Variants in VPS13C observed in about 807,000 individuals in gnomAD.
VPS13C encodes the protein intermembrane lipid transfer protein VPS13C.
VPS13C carries 358 observed loss-of-function variants against 456.8 expected under a neutral mutation model. The observed-to-expected ratio is 0.78, with a 90% CI of 0.72 to 0.86. The LOEUF (loss-of-function observed/expected upper bound fraction) is 0.86. VPS13C is among the 40% of genes least tolerant of loss of function. The probability of loss-of-function intolerance (pLI) is 0.00; values close to 1 mark genes in which losing one functional copy is unlikely to be tolerated. For missense variants in VPS13C, 4,818 were observed against 4,385.4 expected, an observed-to-expected ratio of 1.10 and a Z score of -2.79; for synonymous variants, 1,578 against 1,486.7, an observed-to-expected ratio of 1.06 and a Z score of -1.41.
intron 64 of VPS13C, 74 bp from the exon 65 acceptor site, chr15:61,909,199 C>T (rs890434270): frequency 5.8e-6 from 9 of 1,557,170 alleles, no homozygotes; most frequent in African/African-American, 5.5e-5. Context: ...TTCAATATTA[C>T]GTAAAACACA....
Position 61,881,664 on chromosome 15 carries a change from T to A in VPS13C, c.9707-32A>T, listed in dbSNP as rs766455793. The A allele has an allele frequency of 6.9e-6, 11 of 1,604,122 alleles. No individual in the cohort carries two copies. The East Asian group carries it at 1.1e-4, about 16-fold the overall frequency. On this transcript the variant is annotated intron_variant, in intron 70 of 84. Transcript: ENST00000644861. ...GGAAGAAGTAACACATAAAAAAAAA[T>A]AATGCTTTATACTAGGTTAAACTAA...
chr15:62,041,260 T>C (rs2048232398), intron 3 of VPS13C, 64 bp downstream of exon 3: 2 of 1,538,620 alleles, frequency 1.3e-6, no homozygotes, highest in South Asian at 1.2e-5. Context: ...TTAGGTTAAA[T>C]AACACAAGCA....
rs1294587330 is a variant in VPS13C, at chr15:61,961,615, C to T, written c.3882G>A (p.Val1294=). The T allele has an allele frequency of 1.9e-6, 3 of 1,606,830 alleles. No homozygotes were observed. In the Admixed American group the frequency reaches 5.1e-5, roughly 27 times the overall value. ...LNPPVIDRMD[V]QLTKLTLYRT... is the part of the protein sequence containing the mutation. ...TATAAAGTGTAAGCTTTGTTAGCTG[C>T]ACATCCATTCTATCAATTACTGGAG... The change falls in exon 35 of 85, where the codon GTG becomes GTA. Residue 1294 remains valine (V), a synonymous_variant. Transcript: ENST00000644861.
chr15:61,899,806 C>G (rs1403949861), intron 66 of VPS13C, among the ~76,000 whole-genome samples: 1 of 151,848 alleles, frequency 6.6e-6, no homozygotes, highest in Non-Finnish European at 1.5e-5. Context: ...AGAGACACAA[C>G]CAAAAAAGAG....
intron 69 of VPS13C, among the ~76,000 whole-genome samples, chr15:61,882,209 G>A (rs2140045344): frequency 6.6e-6 from 1 of 152,204 alleles, no homozygotes; most frequent in East Asian, 1.9e-4. Flanking sequence ...GTACTTAACA[G>A]CTAAAAGGAA....
chr15:62,031,066 A>G (rs12591593), intron 5 of VPS13C, among the ~76,000 whole-genome samples: 66,907 of 151,948 alleles, frequency 0.44, 16,065 homozygotes, highest in Admixed American at 0.57. Context: ...CAATGAAATA[A>G]AAGGAGAAAA....
rs1249477262 is a variant in VPS13C at position 61,921,982 on chromosome 15, C to T, written c.7027G>A (p.Val2343Met). The T allele has an allele frequency of 6.2e-7, 1 of 1,613,650 alleles. No homozygotes were observed. The highest frequency in any genetic ancestry group is 8.5e-7 in the Non-Finnish European group (1 of 1,179,662). The part of the protein sequence containing the change: ...HAVWEPLIER[V>M]EGKRQWNLRL... ...AAATTCCATTGTCTCTTCCCCTCCA[C>T]TCTCTCAATCAGTGGCTCCCAGACA... Residue 2343 changes from valine to methionine, a missense_variant, in exon 55 of 85, where the codon GTG (valine) becomes ATG (methionine). By Grantham distance (21) the Val-to-Met change is conservative (BLOSUM62 1). Transcript: ENST00000644861.
Position 61,945,742 on chromosome 15 carries a change from A to G in VPS13C, c.5121T>C (p.Tyr1707=). Reference sequence around the variant, plus strand: ...AAAGAGACATGAAGAATTTATGAACATAAACAATCTGAATACAACCCACTT... The same window carrying G: ...AAAGAGACATGAAGAATTTATGAACGTAAACAATCTGAATACAACCCACTT... The part of the protein sequence containing the change: ...SFKVGCIQIV[Y]VHKFFMSLLN... The change falls in exon 45 of 85, where the codon TAT becomes TAC. Residue 1707 remains tyrosine, a synonymous_variant. Transcript: ENST00000644861. 6.3e-7 allele frequency: 1 copy of G among 1,598,858 alleles called. No homozygotes were observed. Among genetic ancestry groups the G allele is most frequent in the Non-Finnish European group, 8.5e-7 (1 of 1,175,496 alleles).
intron 66 of VPS13C, among the ~76,000 whole-genome samples, chr15:61,891,745 T>A (rs978608248): frequency 1.3e-5 from 2 of 152,212 alleles, no homozygotes; most frequent in Non-Finnish European, 2.9e-5. Context: ...TTGCTTTGAA[T>A]TGGTCAGAAA....
In VPS13C at chr15:61,853,155, C is replaced by A. The variant is rs181586295; in HGVS notation, c.*1302G>T. ...TGAATTGATTCTCACAGGGCCTGCT[C>A]CCTCACAGAACACAGTGTCATTATA... On this transcript the variant is annotated 3_prime_UTR_variant, in exon 85 of 85. Transcript: ENST00000644861. 6.6e-6 allele frequency: 1 copy of A among 152,158 alleles called. No homozygotes were observed. Among genetic ancestry groups the A allele is most frequent in the Admixed American group, 6.5e-5 (1 of 15,290 alleles). 9.4% of individuals were successfully genotyped at this position (152,158 alleles called of 1,614,324 possible).
At chr15:61,959,418 A>G (rs1410896433) in intron 36 of VPS13C, 30 bp downstream of exon 36, 4 of 1,528,380 alleles carry the variant, frequency 2.6e-6, no homozygotes, top group Admixed American at 1.9e-5. Flanking sequence ...AATTTCAACA[A>G]TGAAGTTTTT....
chr15:61,932,013 A>T (rs1184484186), intron 49 of VPS13C, among the ~76,000 whole-genome samples: 1 of 152,114 alleles, frequency 6.6e-6, no homozygotes, highest in African/African-American at 2.4e-5. Context: ...AACAAAATAG[A>T]AATACACTAA....
In VPS13C at chr15:62,023,373, A is replaced by G. The variant is rs757064642; in HGVS notation, c.624+38T>C. 20 of 1,178,800 alleles carry G rather than the reference A, an allele frequency of 1.7e-5. No homozygotes were observed. The African/African-American group carries it at 2.5e-4, about 15-fold the overall frequency. The allele number at this position is 1,178,800 out of a possible 1,614,324, so 73.0% of individuals were successfully genotyped here. ...AAAAGTCAAGAATATTATAAAATACATATTTAATTATTAACTGAGTAAATA... is the reference window on the plus strand; with the variant it reads ...AAAAGTCAAGAATATTATAAAATACGTATTTAATTATTAACTGAGTAAATA... On this transcript the variant is annotated intron_variant, in intron 8 of 84. Coordinates refer to ENST00000644861, the MANE Select transcript of VPS13C (RefSeq NM_020821.3).
chr15:62,058,604 A>G lies in VPS13C; in HGVS notation c.100+1671T>C, dbSNP rs139638897. ...ATACAGAAGGATATGCATAGGGTACATACAAATACTAGGCCATTTTATTTA... is the reference window on the plus strand; with the variant it reads ...ATACAGAAGGATATGCATAGGGTACGTACAAATACTAGGCCATTTTATTTA... On this transcript the variant is annotated intron_variant, in intron 1 of 84. Transcript: ENST00000644861. 6.2e-3 allele frequency among the ~76,000 whole-genome samples: 939 copies of G among 152,358 alleles called. 6 individuals are homozygous for G. Among genetic ancestry groups the G allele is most frequent in the Non-Finnish European group, 9.2e-3 (628 of 68,032 alleles).
chr15:62,033,762 G>T (rs1041732378), intron 4 of VPS13C, among the ~76,000 whole-genome samples: 1 of 151,570 alleles, frequency 6.6e-6, no homozygotes, highest in Non-Finnish European at 1.5e-5. Flanking sequence ...AGAAATTACA[G>T]GTAGAAAGGC....
intron 12 of VPS13C, among the ~76,000 whole-genome samples, chr15:62,010,892 A>G (rs943384173): frequency 6.6e-6 from 1 of 152,180 alleles, no homozygotes; most frequent in Non-Finnish European, 1.5e-5. Context: ...CAGTCTGCAT[A>G]AAATTAGACT....
At chr15:61,970,701 G>C (rs1163718612) in intron 27 of VPS13C, among the ~76,000 whole-genome samples, 1 of 151,982 alleles carries the variant, frequency 6.6e-6, no homozygotes, top group Non-Finnish European at 1.5e-5. Flanking sequence ...GGAGGCTGGG[G>C]TATTCTGTTA....
intron 52 of VPS13C, among the ~76,000 whole-genome samples, chr15:61,926,149 G>C (rs143419508): frequency 2.0e-5 from 3 of 152,204 alleles, no homozygotes; most frequent in African/African-American, 4.8e-5. Flanking sequence ...CTATAATCCC[G>C]GCACTTTTGG....
intron 9 of VPS13C, among the ~76,000 whole-genome samples, chr15:62,020,176 C>T (rs2047409141): frequency 6.6e-6 from 1 of 151,750 alleles, no homozygotes; most frequent in South Asian, 2.1e-4. Flanking sequence ...AAGATGAGTA[C>T]ATGACTCTAC....
Sources: gnomAD v4.1 joint callset for allele counts (sites outside exome capture counted in the v4.1 genomes callset) on GRCh38, gnomAD v4.1.1 for gene constraint, MANE v1.5 for transcripts, NCBI Gene and HGNC (gene_info 2026-07-23, HGNC 2026-07-21) for gene names.